RIMS1: variants seen among roughly 807,000 people sequenced by gnomAD.
RIMS1 encodes regulating synaptic membrane exocytosis protein 1.
In RIMS1, 83 loss-of-function variants were observed where a neutral mutation model predicts 214.1. That is an observed-to-expected ratio of 0.39 (90% CI 0.32 to 0.47). The LOEUF (loss-of-function observed/expected upper bound fraction) is 0.47, where lower values mean the gene tolerates loss of function less well. Ranked by LOEUF, RIMS1 falls within the 20% of genes least tolerant of loss-of-function variation. The pLI, the probability that RIMS1 is intolerant of heterozygous loss-of-function variation, is 0.99. For missense variants in RIMS1, 2,050 were observed against 2,161.8 expected (o/e 0.95, Z 1.03); for synonymous variants, 793 against 786.8 (o/e 1.01, Z -0.13).
chr6:71,985,838 GACAC>G (rs150610946), intron 2 of RIMS1, among the ~76,000 whole-genome samples: 1 of 151,726 alleles, frequency 6.6e-6, no homozygotes, highest in African/African-American at 2.4e-5. Context: ...TATATGTATG[GACAC>G]ACACACACAC....
At chr6:72,039,852 A>C (rs1820931585) in intron 2 of RIMS1, among the ~76,000 whole-genome samples, 1 of 150,530 alleles carries the variant, frequency 6.6e-6, no homozygotes, top group Non-Finnish European at 1.5e-5. Flanking sequence ...CATTCACTGT[A>C]CTTAAAAAAA....
chr6:72,217,358 T>A (rs1031256983), intron 6 of RIMS1: 1 of 913,484 alleles, frequency 1.1e-6, no homozygotes, highest in Non-Finnish European at 1.6e-6. Flanking sequence ...CAGTAGAGAA[T>A]AAGGATGTTT....
At chr6:71,967,984 TA>T (rs1794897328) in intron 1 of RIMS1, among the ~76,000 whole-genome samples, 1 of 152,184 alleles carries the variant, frequency 6.6e-6, no homozygotes, top group Non-Finnish European at 1.5e-5. Context: ...TGACTGGCCT[TA>T]AATATGAGCA....
chr6:72,206,356 A>G (rs2052910491), intron 6 of RIMS1, among the ~76,000 whole-genome samples: 1 of 152,292 alleles, frequency 6.6e-6, no homozygotes, highest in African/African-American at 2.4e-5. Context: ...GCATGCTTTC[A>G]CTTTTCTCAA....
chr6:72,039,702 G>A (rs1820889399), intron 2 of RIMS1, among the ~76,000 whole-genome samples: 1 of 151,986 alleles, frequency 6.6e-6, no homozygotes, highest in Non-Finnish European at 1.5e-5. Context: ...TGATTTGGGT[G>A]GAGTTATTGG....
chr6:72,335,816 A>G (rs958703806), intron 29 of RIMS1, among the ~76,000 whole-genome samples: 3 of 151,902 alleles, frequency 2.0e-5, no homozygotes, highest in African/African-American at 7.2e-5. Flanking sequence ...CATTTCTCTA[A>G]TGACCAGTGA....
intron 1 of RIMS1, among the ~76,000 whole-genome samples, chr6:71,937,325 A>G (rs774666140): frequency 2.0e-4 from 30 of 152,098 alleles, no homozygotes; most frequent in Non-Finnish European, 3.4e-4. Context: ...CACTGGTGCA[A>G]TCACAGCTCA....
intron 30 of RIMS1, among the ~76,000 whole-genome samples, chr6:72,391,970 G>C (rs900392995): frequency 2.0e-5 from 3 of 152,014 alleles, no homozygotes; most frequent in Non-Finnish European, 4.4e-5. Context: ...AATTTCCTTG[G>C]TTAAAAGAAA....
intron 6 of RIMS1, among the ~76,000 whole-genome samples, chr6:72,203,443 T>G (rs2052383333): frequency 1.3e-5 from 2 of 152,098 alleles, no homozygotes; most frequent in African/African-American, 2.4e-5. Flanking sequence ...GAGACTGGCA[T>G]GAAGAAGGAA....
chr6:72,278,534 G>A (rs990304433), intron 23 of RIMS1, among the ~76,000 whole-genome samples: 4 of 152,160 alleles, frequency 2.6e-5, no homozygotes, highest in Admixed American at 1.3e-4. Flanking sequence ...TTGCTTCCAG[G>A]ATTCATGGCA....
Position 71,937,074 on chromosome 6 carries a change from T to C in RIMS1, c.165-31909T>C, listed in dbSNP as rs9446511. Reference sequence around the variant, plus strand: ...GCTTTCCTTTTAGCCAGTGTAACTATTGGCTTTTCTGCTTCAACTTACCTG... The same window carrying C: ...GCTTTCCTTTTAGCCAGTGTAACTACTGGCTTTTCTGCTTCAACTTACCTG... On this transcript the variant is annotated intron_variant, in intron 1 of 33. Coordinates refer to ENST00000521978, the MANE Select transcript of RIMS1 (RefSeq NM_014989.7). Among the ~76,000 whole-genome samples, 485 of 152,322 alleles carry C rather than the reference T, an allele frequency of 3.2e-3. 3 individuals are homozygous for C. The highest frequency in any genetic ancestry group is 0.011 in the African/African-American group (469 of 41,564).
chr6:72,110,531 G>A (rs1361408578), intron 4 of RIMS1, among the ~76,000 whole-genome samples: 2 of 149,222 alleles, frequency 1.3e-5, no homozygotes, highest in Admixed American at 6.7e-5. Flanking sequence ...AAGAATGCTT[G>A]TGATTTTTGT....
chr6:72,140,183 T>TA (rs1393668470), intron 4 of RIMS1, among the ~76,000 whole-genome samples: 1 of 152,162 alleles, frequency 6.6e-6, no homozygotes, highest in Non-Finnish European at 1.5e-5. Flanking sequence ...TGACCTTTTT[T>TA]ATTTAAAAAA....
At chr6:71,924,639 A>G (rs1178912076) in intron 1 of RIMS1, among the ~76,000 whole-genome samples, 1 of 150,700 alleles carries the variant, frequency 6.6e-6, no homozygotes, top group East Asian at 1.9e-4. Flanking sequence ...GCAAAAAAAA[A>G]AAAAAAAAAT....
intron 2 of RIMS1, among the ~76,000 whole-genome samples, chr6:71,975,069 C>G (rs1796809669): frequency 6.6e-6 from 1 of 152,050 alleles, no homozygotes; most frequent in Non-Finnish European, 1.5e-5. Context: ...TTTTAAAAAG[C>G]CAGACACCAG....
chr6:72,317,813 G>A (rs990536345), intron 28 of RIMS1, among the ~76,000 whole-genome samples: 1 of 151,992 alleles, frequency 6.6e-6, no homozygotes. Flanking sequence ...TTGCCTATTC[G>A]ATTTGGTATT....
At chr6:72,243,958 A>T (rs1464178142) in intron 10 of RIMS1, among the ~76,000 whole-genome samples, 1 of 151,058 alleles carries the variant, frequency 6.6e-6, no homozygotes, top group African/African-American at 2.4e-5. Context: ...TAGAAAAATA[A>T]TTTTAGCTGC....
rs1320835552 is a variant in RIMS1 at position 72,401,903 on chromosome 6, A to C, written c.*1189A>C. 1 of 152,668 alleles carries C rather than the reference A, an allele frequency of 6.6e-6. No homozygotes were observed. Among genetic ancestry groups the C allele is most frequent in the Non-Finnish European group, 1.5e-5 (1 of 68,036 alleles). The allele number at this position is 152,668 out of a possible 1,614,324, so 9.5% of individuals were successfully genotyped here. ...TTCTTTGAGATTGATGCAAGCACAA[A>C]GCTTGATTTTTTAATGCAAAGTATC... On this transcript the variant is annotated 3_prime_UTR_variant, in exon 34 of 34. Coordinates refer to ENST00000521978, the MANE Select transcript of RIMS1 (RefSeq NM_014989.7).
chr6:72,171,341 A>G (rs1369237204), intron 4 of RIMS1, among the ~76,000 whole-genome samples: 1 of 127,722 alleles, frequency 7.8e-6, no homozygotes. Flanking sequence ...GTATAAATAT[A>G]TATTACGTGT....
Sources: gnomAD v4.1 joint callset for allele counts (sites outside exome capture counted in the v4.1 genomes callset) on GRCh38, gnomAD v4.1.1 for gene constraint, MANE v1.5 for transcripts, NCBI Gene and HGNC (gene_info 2026-07-23, HGNC 2026-07-21) for gene names.